The following KDM2A variants were observed in gnomAD, a reference collection of about 807,000 sequenced individuals.
KDM2A encodes the protein lysine-specific demethylase 2A.
In KDM2A, 3 loss-of-function variants were observed where a neutral mutation model predicts 137.3. The observed-to-expected ratio is 0.02, with a 90% CI of 0.01 to 0.06. The LOEUF (loss-of-function observed/expected upper bound fraction) is 0.06, where lower values mean the gene tolerates loss of function less well. Ranked by LOEUF, KDM2A falls within the 10% of genes least tolerant of loss-of-function variation. The probability of loss-of-function intolerance (pLI) is 1.00; values close to 1 mark genes in which losing one functional copy is unlikely to be tolerated. For missense variants in KDM2A, 738 were observed against 1,510.6 expected (o/e 0.49, Z 8.48); for synonymous variants, 512 against 541.5 (o/e 0.95, Z 0.76).
At chr11:67,150,119 A>G (rs951984133) in intron 2 of KDM2A, among the ~76,000 whole-genome samples, 1 of 152,236 alleles carries the variant, frequency 6.6e-6, no homozygotes, top group African/African-American at 2.4e-5. Flanking sequence ...AGAATTCTTT[A>G]CAACCCTAGA....
chr11:67,252,015 C>T (rs1033516307), intron 17 of KDM2A, among the ~76,000 whole-genome samples: 1 of 152,164 alleles, frequency 6.6e-6, no homozygotes, highest in Admixed American at 6.5e-5. Flanking sequence ...TAAATTGAAG[C>T]CAGCATGTTG....
At chr11:67,180,962 C>T (rs1212924271) in intron 3 of KDM2A, among the ~76,000 whole-genome samples, 11 of 137,978 alleles carry the variant, frequency 8.0e-5, no homozygotes, top group Non-Finnish European at 7.9e-5. Flanking sequence ...ACACCTGGCC[C>T]TTTTTTTTTT....
At position 67,247,422 on chromosome 11, in the gene KDM2A, C is replaced by CTTTT. The variant is rs56012601; in HGVS notation, c.1966-839_1966-836dup. ...TAGGATATTTTAACAGCATTACAATCTTTTTTTTTTTTTTTTTTTTTTTAA... is the reference window on the plus strand; with the variant it reads ...TAGGATATTTTAACAGCATTACAATCTTTTTTTTTTTTTTTTTTTTTTTTTTTAA... On this transcript the variant is annotated intron_variant, in intron 15 of 20. Coordinates refer to ENST00000529006, the MANE Select transcript of KDM2A (RefSeq NM_012308.3). Among the ~76,000 whole-genome samples the CTTTT allele has an allele frequency of 4.5e-4, 38 of 84,500 alleles. 2 individuals carry two copies. The highest frequency in any genetic ancestry group is 5.9e-4 in the Non-Finnish European group (29 of 48,754). 55.4% of individuals were successfully genotyped at this position (84,500 alleles called of 152,430 possible). A position where few individuals can be genotyped will look rare whatever the true frequency, so the allele number is the denominator to read the frequency against.
At chr11:67,217,981 G>A (rs531323377) in intron 9 of KDM2A, 97 bp downstream of exon 9, 12 of 1,093,558 alleles carry the variant, frequency 1.1e-5, no homozygotes, top group African/African-American at 4.8e-5. Flanking sequence ...GATGCTGGGC[G>A]TCTGCAGAAA....
chr11:67,243,639 C>T (rs1160221862), intron 13 of KDM2A: 3 of 152,352 alleles, frequency 2.0e-5, no homozygotes, highest in African/African-American at 7.2e-5. Context: ...CATGGTGAAA[C>T]ACCGTCTGTA....
chr11:67,171,297 G>A (rs748869918), intron 2 of KDM2A, among the ~76,000 whole-genome samples: 3 of 152,194 alleles, frequency 2.0e-5, no homozygotes, highest in Non-Finnish European at 4.4e-5. Flanking sequence ...AGACGAGGCC[G>A]AGTCTGAAAT....
At chr11:67,191,482 A>G (rs1857352981) in intron 5 of KDM2A, among the ~76,000 whole-genome samples, 1 of 152,240 alleles carries the variant, frequency 6.6e-6, no homozygotes, top group Admixed American at 6.5e-5. Flanking sequence ...GCAGCATATT[A>G]AAAGGATTAT....
At chr11:67,145,204 G>T (rs1332056942) in intron 2 of KDM2A, among the ~76,000 whole-genome samples, 1 of 151,324 alleles carries the variant, frequency 6.6e-6, no homozygotes, top group Non-Finnish European at 1.5e-5. Context: ...GATCCTTGAG[G>T]CTAATCGCTG....
intron 5 of KDM2A, among the ~76,000 whole-genome samples, chr11:67,188,790 CAA>C (rs1207477143): frequency 0.013 from 977 of 73,742 alleles, 3 homozygotes; most frequent in African/African-American, 0.033. Flanking sequence ...GACACTGTCT[CAA>C]AAAAAAAAAA....
In KDM2A at chr11:67,242,996, C is replaced by T. The variant is rs1859095788; in HGVS notation, c.1480-13C>T. 1.2e-6 allele frequency: 2 copies of T among 1,611,908 alleles called. No homozygotes were observed. The highest frequency in any genetic ancestry group is 1.3e-5 in the African/African-American group (1 of 74,854). ...CTGCCCTGATTTTTCCTTCTTTTCC[C>T]TCCTACCCTTAGATTTTGCTGGAGG... is the stretch of plus-strand genomic sequence containing the variant. On this transcript the variant is annotated splice_polypyrimidine_tract_variant and intron_variant, in intron 12 of 20. Coordinates refer to ENST00000529006, the MANE Select transcript of KDM2A (RefSeq NM_012308.3).
chr11:67,166,597 G>GA (rs1318680846), intron 2 of KDM2A, among the ~76,000 whole-genome samples: 2 of 152,118 alleles, frequency 1.3e-5, no homozygotes, highest in African/African-American at 4.8e-5. Flanking sequence ...GGTGGCATAA[G>GA]ACCTGTAGTC....
At chr11:67,169,992 G>A (rs1403664815) in intron 2 of KDM2A, among the ~76,000 whole-genome samples, 3 of 151,864 alleles carry the variant, frequency 2.0e-5, no homozygotes, top group Non-Finnish European at 4.4e-5. Context: ...TCCTGACCTC[G>A]TGATTTGCCC....
intron 8 of KDM2A, 113 bp from the exon 9 acceptor site, chr11:67,217,618 T>C: frequency 9.8e-7 from 1 of 1,015,354 alleles, no homozygotes; most frequent in East Asian, 2.6e-5. Context: ...GCTGGGAAAA[T>C]TGCTTGCCTT....
At chr11:67,187,038 G>A (rs1288271747) in intron 5 of KDM2A, among the ~76,000 whole-genome samples, 1 of 152,178 alleles carries the variant, frequency 6.6e-6, no homozygotes, top group African/African-American at 2.4e-5. Context: ...AGCTGTAAAG[G>A]AGCAGATTCT....
chr11:67,243,180 AGGCAGAT>A, intron 13 of KDM2A, 88 bp downstream of exon 13: 2 of 926,648 alleles, frequency 2.2e-6, no homozygotes, highest in South Asian at 2.8e-5. Flanking sequence ...GAACAACTAG[AGGCAGAT>A]GGCTTTTGGT....
At chr11:67,181,797 C>T in intron 4 of KDM2A, 49 bp from the exon 5 acceptor site, 1 of 1,539,128 alleles carries the variant, frequency 6.5e-7, no homozygotes, top group Non-Finnish European at 9.0e-7. Flanking sequence ...CTCACATTTA[C>T]TAGAGCAATT....
intron 17 of KDM2A, among the ~76,000 whole-genome samples, chr11:67,251,893 A>G (rs1377970114): frequency 1.3e-5 from 2 of 152,252 alleles, no homozygotes; most frequent in Non-Finnish European, 2.9e-5. Context: ...TAGGGCTAAT[A>G]GGACTGCTTG....
intron 15 of KDM2A, among the ~76,000 whole-genome samples, chr11:67,246,589 TAA>T (rs1011273192): frequency 4.0e-5 from 6 of 151,740 alleles, no homozygotes; most frequent in African/African-American, 1.4e-4. Context: ...AAAAAAGTAA[TAA>T]AAAGTAATAA....
At chr11:67,173,499 A>C (rs1273696338) in intron 2 of KDM2A, among the ~76,000 whole-genome samples, 2 of 152,048 alleles carry the variant, frequency 1.3e-5, no homozygotes, top group African/African-American at 4.8e-5. Flanking sequence ...CTCAATGATC[A>C]GCCTGTTTTG....
Sources: allele counts gnomAD v4.1 joint callset (sites outside exome capture counted in the v4.1 genomes callset), GRCh38; gene constraint gnomAD v4.1.1; transcripts MANE v1.5; gene names NCBI Gene and HGNC (gene_info 2026-07-23, HGNC 2026-07-21).